Variants in FRY observed in about 807,000 individuals in gnomAD.
FRY encodes the protein protein furry homolog.
A neutral mutation model predicts 348.4 loss-of-function variants in FRY; 128 were observed. The observed-to-expected ratio is 0.37, with a 90% confidence interval of 0.32 to 0.43. The LOEUF (loss-of-function observed/expected upper bound fraction) is 0.43, where lower values mean the gene tolerates loss of function less well. Among genes scored for constraint, FRY ranks in the 20% least tolerant of loss-of-function variants. FRY has a pLI of 1.00. For missense variants in FRY, 2,736 were observed against 3,695.2 expected, an observed-to-expected ratio of 0.74 and a Z score of 6.73; for synonymous variants, 1,370 against 1,374.7, an observed-to-expected ratio of 1.00 and a Z score of 0.08.
Position 32,031,803 on chromosome 13 carries a change from G to T in FRY, c.8G>T (p.Ser3Ile). 6.2e-7 allele frequency: 1 copy of T among 1,606,600 alleles called. No individual in the cohort carries two copies. The highest frequency in any genetic ancestry group is 8.5e-7 in the Non-Finnish European group (1 of 1,174,542). ...TCTTTGTATGCCGCAGACATGGCCA[G>T]CCAGCAGGATTCGGGCTTCTTTGAG... is the stretch of plus-strand genomic sequence containing the variant. MA[S>I]QQDSGFFEIS... The change falls in exon 1 of 61, where the codon AGC becomes ATC. Residue 3 changes from serine (S) to isoleucine (I), a missense_variant. Coordinates refer to ENST00000542859, the MANE Select transcript of FRY (RefSeq NM_023037.3).
intron 16 of FRY, among the ~76,000 whole-genome samples, chr13:32,158,392 T>G (rs1881239595): frequency 6.6e-6 from 1 of 152,194 alleles, no homozygotes. Flanking sequence ...CATATTATCC[T>G]GCAGCTCACC....
intron 2 of FRY, among the ~76,000 whole-genome samples, chr13:32,091,413 A>T (rs1027389171): frequency 2.0e-5 from 3 of 152,216 alleles, no homozygotes; most frequent in Admixed American, 6.5e-5. Flanking sequence ...CAGAACTGTG[A>T]GTCTTCAGGC....
At position 32,296,787 on chromosome 13, in the gene FRY, A is replaced by G. The variant is rs2072070102; in HGVS notation, c.*1327A>G. 6.6e-6 allele frequency: 1 copy of G among 152,228 alleles called. No individual in the cohort carries two copies. The highest frequency in any genetic ancestry group is 1.5e-5 in the Non-Finnish European group (1 of 68,036). 9.4% of individuals were successfully genotyped at this position (152,228 alleles called of 1,614,324 possible). On this transcript the variant is annotated 3_prime_UTR_variant, in exon 61 of 61. Coordinates refer to ENST00000542859, the MANE Select transcript of FRY (RefSeq NM_023037.3). ...GGCACCCGTGGGGGTCATGCCATGC[A>G]TGGCCCTGTGAAGCTGGAGGTAAGT...
chr13:32,094,338 G>A (rs1030989296), intron 2 of FRY, among the ~76,000 whole-genome samples: 1 of 152,156 alleles, frequency 6.6e-6, no homozygotes, highest in Non-Finnish European at 1.5e-5. Flanking sequence ...ATCCTCTGAA[G>A]CATTATCCTT....
intron 17 of FRY, among the ~76,000 whole-genome samples, chr13:32,170,442 A>G (rs1469034315): frequency 6.6e-6 from 1 of 152,216 alleles, no homozygotes; most frequent in African/African-American, 2.4e-5. Flanking sequence ...TAAGATGTTA[A>G]CATTAGGGGA....
At chr13:32,273,042 T>G (rs1052322762) in intron 55 of FRY, among the ~76,000 whole-genome samples, 1 of 151,864 alleles carries the variant, frequency 6.6e-6, no homozygotes, top group Non-Finnish European at 1.5e-5. Flanking sequence ...GCAGGCACAG[T>G]GAATCAGATT....
At chr13:32,184,832 T>C in intron 25 of FRY, 141 bp downstream of exon 25, 1 of 1,006,426 alleles carries the variant, frequency 9.9e-7, no homozygotes, top group South Asian at 1.4e-5. Flanking sequence ...CGCTTTTTCT[T>C]TTTTCATATT....
intron 58 of FRY, among the ~76,000 whole-genome samples, chr13:32,285,437 T>G (rs1297941660): frequency 6.6e-6 from 1 of 152,212 alleles, no homozygotes; most frequent in African/African-American, 2.4e-5. Flanking sequence ...TCCTGAGAAC[T>G]GGCATTCATC....
At chr13:32,117,610 G>C in intron 4 of FRY, 137 bp downstream of exon 4, 2 of 850,834 alleles carry the variant, frequency 2.4e-6, no homozygotes, top group Non-Finnish European at 3.9e-6. Flanking sequence ...CAGGGGCCCT[G>C]TGTCTGTAGC....
In FRY at chr13:32,238,017, T is replaced by A. The variant is rs1417230713; in HGVS notation, c.6418+31T>A. 3.1e-6 allele frequency: 5 copies of A among 1,608,918 alleles called. No homozygotes were observed. The East Asian group carries it at 1.1e-4, about 36-fold the overall frequency. On this transcript the variant is annotated intron_variant, in intron 44 of 60. Coordinates refer to ENST00000542859, the MANE Select transcript of FRY (RefSeq NM_023037.3). ...GCCAGCCTCGTTCACCCTGTCTCAA[T>A]TCTGATGGTGACTGTGTTCATCATT... is the stretch of plus-strand genomic sequence containing the variant.
chr13:32,032,172 A>G (rs1170072651), intron 1 of FRY, among the ~76,000 whole-genome samples: 1 of 152,214 alleles, frequency 6.6e-6, no homozygotes, highest in Non-Finnish European at 1.5e-5. Flanking sequence ...GCAGCCCTTC[A>G]GACTCTGGGG....
intron 42 of FRY, 47 bp from the exon 43 acceptor site, chr13:32,236,031 A>G (rs945123126): frequency 8.3e-7 from 1 of 1,205,022 alleles, no homozygotes; most frequent in South Asian, 1.2e-5. Context: ...TAGGAAATTA[A>G]CAATGGTTAC....
At chr13:32,251,010 C>T (rs1310422680) in intron 49 of FRY, among the ~76,000 whole-genome samples, 2 of 152,162 alleles carry the variant, frequency 1.3e-5, no homozygotes, top group Non-Finnish European at 2.9e-5. Context: ...TCTGTCCCCT[C>T]TATAATTTGG....
intron 4 of FRY, among the ~76,000 whole-genome samples, chr13:32,123,820 T>TG (rs1555255057): frequency 2.0e-5 from 3 of 151,636 alleles, no homozygotes; most frequent in African/African-American, 7.3e-5. Context: ...ATTAGCATGT[T>TG]TTGTTGTTGT....
chr13:32,124,568 C>A, intron 5 of FRY, 34 bp from the exon 6 acceptor site: 1 of 1,236,052 alleles, frequency 8.1e-7, no homozygotes, highest in East Asian at 2.3e-5. Flanking sequence ...CTTTAATATT[C>A]CCTTCTGAGT....
chr13:32,052,656 A>G (rs1873397603), intron 1 of FRY, among the ~76,000 whole-genome samples: 2 of 152,206 alleles, frequency 1.3e-5, no homozygotes, highest in South Asian at 4.1e-4. Flanking sequence ...TGAATACCAA[A>G]TTTATCCAAA....
chr13:32,059,575 G>A (rs1049855520), intron 1 of FRY, among the ~76,000 whole-genome samples: 2 of 151,048 alleles, frequency 1.3e-5, no homozygotes, highest in Admixed American at 6.6e-5. Flanking sequence ...AGGGGTGCAC[G>A]TGCCGTTGTG....
intron 3 of FRY, among the ~76,000 whole-genome samples, chr13:32,114,068 A>G (rs1878145751): frequency 6.6e-6 from 1 of 152,212 alleles, no homozygotes; most frequent in African/African-American, 2.4e-5. Flanking sequence ...TGGGGGTTCC[A>G]CATACATGAG....
At chr13:32,243,639 T>A (rs1886626155) in intron 46 of FRY, among the ~76,000 whole-genome samples, 1 of 152,248 alleles carries the variant, frequency 6.6e-6, no homozygotes. Context: ...GAATTTGTAA[T>A]TTTTGATAAT....
Sources: allele counts gnomAD v4.1 joint callset (sites outside exome capture counted in the v4.1 genomes callset), GRCh38; gene constraint gnomAD v4.1.1; transcripts MANE v1.5; gene names NCBI Gene and HGNC (gene_info 2026-07-23, HGNC 2026-07-21).